Variants in DDX11 observed in about 807,000 individuals in gnomAD.
The protein encoded by DDX11 is DEAD/H-box helicase 11.
Under a neutral mutation model 125.2 loss-of-function variants are expected in DDX11, and 72 were observed. That is an observed-to-expected ratio of 0.58 (90% CI 0.48 to 0.70). The LOEUF (loss-of-function observed/expected upper bound fraction) is 0.70. Among genes scored for constraint, DDX11 ranks in the 30% least tolerant of loss-of-function variants. The pLI, the probability that DDX11 is intolerant of heterozygous loss-of-function variation, is 0.00. For synonymous variants in DDX11, 347 were observed against 452.6 expected (o/e 0.77, Z 2.96); for missense variants, 883 against 1,165.0 (o/e 0.76, Z 3.52).
At position 31,091,846 on chromosome 12, in the gene DDX11, A is replaced by G; in HGVS notation, c.1217A>G (p.His406Arg). 6.2e-7 allele frequency: 1 copy of G among 1,613,922 alleles called. No homozygotes were observed. Among genetic ancestry groups the G allele is most frequent in the Non-Finnish European group, 8.5e-7 (1 of 1,179,860 alleles). ...CTGATCGACACCATCACGGGCATGC[A>G]CAGCGTGGAGGTCAGCGGCTCCCAG... ...HNLIDTITGM[H>R]SVEVSGSQLC... The change falls in exon 10 of 27, where the codon CAC becomes CGC. Residue 406 changes from histidine to arginine, a missense_variant. His to Arg is a conservative substitution (Grantham distance 29, BLOSUM62 0). Coordinates refer to ENST00000542838, the MANE Select transcript of DDX11 (RefSeq NM_030653.4).
In DDX11 at chr12:31,101,016, G is replaced by A. The variant is rs1294159225; in HGVS notation, c.1949-11G>A. Reference sequence around the variant, plus strand: ...ATCTCCAGTTTTCGGCCCCTCCCTGGCTCTTACCAGGTCACGTGATCCCTC... The same window carrying A: ...ATCTCCAGTTTTCGGCCCCTCCCTGACTCTTACCAGGTCACGTGATCCCTC... On this transcript the variant is annotated splice_polypyrimidine_tract_variant and intron_variant, in intron 19 of 26. Transcript: ENST00000542838. 2 of 1,611,342 alleles carry A rather than the reference G, an allele frequency of 1.2e-6. No individual in the cohort carries two copies. Among genetic ancestry groups the A allele is most frequent in the South Asian group, 1.1e-5 (1 of 91,014 alleles).
intron 1 of DDX11, among the ~76,000 whole-genome samples, chr12:31,075,949 C>T (rs894247891): frequency 1.4e-4 from 21 of 152,048 alleles, no homozygotes; most frequent in Non-Finnish European, 2.5e-4. Flanking sequence ...CACTGTCCAG[C>T]GGCCAGACAG....
At chr12:31,078,642 G>T (rs1169396411) in intron 2 of DDX11, 105 bp downstream of exon 2, 22 of 1,553,896 alleles carry the variant, frequency 1.4e-5, no homozygotes, top group Admixed American at 1.7e-5. Context: ...AAGTTGGGCA[G>T]AGTAGTCTCT....
intron 20 of DDX11, 104 bp downstream of exon 20, chr12:31,101,234 G>A (rs1257182415): frequency 3.0e-6 from 3 of 985,184 alleles, no homozygotes; most frequent in South Asian, 1.3e-5. Flanking sequence ...CAGTGTTGGG[G>A]AAATTGCACA....
intron 10 of DDX11, 41 bp downstream of exon 10, chr12:31,091,912 C>T (rs1808348): frequency 6.8e-6 from 11 of 1,613,080 alleles, no homozygotes; most frequent in African/African-American, 1.3e-5. Context: ...CCTGCTGTGA[C>T]GTAAAGGGAC....
At chr12:31,098,802 T>G (rs1042326653) in intron 18 of DDX11, among the ~76,000 whole-genome samples, 5 of 152,218 alleles carry the variant, frequency 3.3e-5, no homozygotes, top group African/African-American at 9.6e-5. Flanking sequence ...GTTTCTGACG[T>G]TCACATTGTG....
Position 31,103,690 on chromosome 12 carries a change from G to C in DDX11, c.2650G>C (p.Val884Leu), listed in dbSNP as rs745748551. Residue 884 changes from valine to leucine, a missense_variant, in exon 26 of 27, where the codon GTC (valine) becomes CTC (leucine). Around this residue, in one of 5 missense-constraint regions of DDX11, gnomAD observed 285 missense variants for 346.0 expected, o/e 0.82. Coordinates refer to ENST00000542838, the MANE Select transcript of DDX11 (RefSeq NM_030653.4). ...GGCCTGGATCCGAGCCCGTGTGGAG[G>C]TCAAAGCTACCTTTGGCCCCGCCAT... Reference protein sequence around the residue: ...LPAWIRARVEVKATFGPAIAA... With the variant: ...LPAWIRARVELKATFGPAIAA... 1 of 1,613,998 alleles carries C rather than the reference G, an allele frequency of 6.2e-7. No homozygotes were observed. The highest frequency in any genetic ancestry group is 1.1e-5 in the South Asian group (1 of 91,062).
chr12:31,093,394 C>T (rs566281348), intron 12 of DDX11, 70 bp downstream of exon 12: 5 of 1,589,110 alleles, frequency 3.1e-6, no homozygotes, highest in Non-Finnish European at 3.4e-6. Context: ...CTTGGATGCC[C>T]ATCAGGACAC....
At chr12:31,092,084 A>T (rs1282218260) in intron 10 of DDX11, among the ~76,000 whole-genome samples, 1 of 152,262 alleles carries the variant, frequency 6.6e-6, no homozygotes, top group East Asian at 1.9e-4. Flanking sequence ...CCTGCACCTC[A>T]TCTGCCCCCA....
In DDX11 at chr12:31,101,061, C is replaced by G. The variant is rs1046456; in HGVS notation, c.1983C>G (p.Leu661=). 4 of 1,613,734 alleles carry G rather than the reference C, an allele frequency of 2.5e-6. No homozygotes were observed. Among genetic ancestry groups the G allele is most frequent in the Non-Finnish European group, 3.4e-6 (4 of 1,179,772 alleles). ...TCCCTCCAGACAACATCCTGCCCCT[C>G]GTCATCTGCAGCGGGATCTCCAACC... ...HVIPPDNILP[L]VICSGISNQP... The change falls in exon 20 of 27, where the codon CTC becomes CTG. Residue 661 remains leucine, a synonymous_variant. Coordinates refer to ENST00000542838, the MANE Select transcript of DDX11 (RefSeq NM_030653.4).
At chr12:31,074,822 C>T (rs1462620234) in intron 1 of DDX11, among the ~76,000 whole-genome samples, 5 of 152,212 alleles carry the variant, frequency 3.3e-5, no homozygotes, top group Non-Finnish European at 7.3e-5. Context: ...TAGATAGTAC[C>T]TGCCACATAG....
intron 2 of DDX11, among the ~76,000 whole-genome samples, chr12:31,081,053 C>T (rs1004514634): frequency 6.6e-6 from 1 of 152,170 alleles, no homozygotes; most frequent in African/African-American, 2.4e-5. Context: ...CCCCTTTCAC[C>T]TTGTTTAGCC....
At chr12:31,086,456 C>T (rs1943165170) in intron 5 of DDX11, among the ~76,000 whole-genome samples, 1 of 151,748 alleles carries the variant, frequency 6.6e-6, no homozygotes, top group South Asian at 2.1e-4. Context: ...TTCCAGGCTG[C>T]GCATGTGAAC....
In DDX11 at chr12:31,101,340, C is replaced by T. The variant is rs7965727; in HGVS notation, c.2052+210C>T. ...TCCCCGCCCCTCACGCCTTAGGCTG[C>T]GAAATATGTATTCATAAAACCTCCA... On this transcript the variant is annotated intron_variant, in intron 20 of 26. Transcript: ENST00000542838. 9.8e-3 allele frequency: 5,938 copies of T among 605,470 alleles called. 254 individuals are homozygous for T. Among genetic ancestry groups the T allele is most frequent in the African/African-American group, 0.096 (5,222 of 54,236 alleles). 37.5% of individuals were successfully genotyped at this position (605,470 alleles called of 1,614,324 possible).
chr12:31,073,866 C>T lies in DDX11; in HGVS notation c.-230C>T, dbSNP rs1044692490. ...CGCATGCGCAGCGGCGGGGGTTGTTCCGGCTGCCTTTCACTGAGGGGACCC... is the reference window on the plus strand; with the variant it reads ...CGCATGCGCAGCGGCGGGGGTTGTTTCGGCTGCCTTTCACTGAGGGGACCC... On this transcript the variant is annotated 5_prime_UTR_variant, in exon 1 of 27. Transcript: ENST00000542838. 1.3e-5 allele frequency: 2 copies of T among 152,230 alleles called. No homozygotes were observed. Among genetic ancestry groups the T allele is most frequent in the Non-Finnish European group, 2.9e-5 (2 of 68,038 alleles). 9.4% of individuals were successfully genotyped at this position (152,230 alleles called of 1,614,324 possible).
chr12:31,093,435 G>A (rs1475672128), intron 12 of DDX11, 111 bp downstream of exon 12: 2 of 1,470,930 alleles, frequency 1.4e-6, no homozygotes, highest in South Asian at 1.2e-5. Context: ...AGAAGGGTCG[G>A]CCGGGTGCGG....
chr12:31,103,376 G>T lies in DDX11; in HGVS notation c.2517G>T (p.Lys839Asn), dbSNP rs1300674926. The T allele has an allele frequency of 5.0e-6, 8 of 1,610,104 alleles. No homozygotes were observed. Among genetic ancestry groups the T allele is most frequent in the Non-Finnish European group, 6.8e-6 (8 of 1,179,010 alleles). Residue 839 changes from lysine (K) to asparagine (N), a missense_variant, in exon 25 of 27, where the codon AAG (lysine) becomes AAT (asparagine). This residue lies in a region of DDX11 where 285 missense variants were observed against 346.0 expected (regional missense o/e 0.82). Transcript: ENST00000542838. ...CTCTGGTGGAGAACCTGTGCATGAA[G>T]GCCGTCAACCAGTCCATAGGTGAGC... is the stretch of plus-strand genomic sequence containing the variant. Reference protein sequence around the residue: ...GKALVENLCMKAVNQSIGRAI... With the variant: ...GKALVENLCMNAVNQSIGRAI...
At chr12:31,080,325 C>A (rs1941637055) in intron 2 of DDX11, among the ~76,000 whole-genome samples, 1 of 152,132 alleles carries the variant, frequency 6.6e-6, no homozygotes, top group African/African-American at 2.4e-5. Context: ...CCCTCAGTGC[C>A]TGCTTTCAGC....
chr12:31,082,539 C>T (rs1469057133), intron 2 of DDX11, among the ~76,000 whole-genome samples: 2 of 152,052 alleles, frequency 1.3e-5, no homozygotes, highest in Admixed American at 1.3e-4. Flanking sequence ...TGTTTCACCC[C>T]GCCCTGGATA....
Sources: allele counts gnomAD v4.1 joint callset (sites outside exome capture counted in the v4.1 genomes callset), GRCh38; gene constraint gnomAD v4.1.1; regional missense constraint gnomAD v4.1.1; transcripts MANE v1.5; gene names NCBI Gene and HGNC (gene_info 2026-07-23, HGNC 2026-07-21).